KRT33A: variants seen among roughly 807,000 people sequenced by gnomAD.
KRT33A encodes keratin, type I cuticular Ha3-I.
Under a neutral mutation model 41.1 loss-of-function variants are expected in KRT33A, and 44 were observed. The ratio of observed to expected loss-of-function variants is 1.07; its 90% CI spans 0.84 to 1.38. The LOEUF is 1.38. KRT33A is among the 40% of genes most tolerant of loss of function. The pLI is 0.00. For synonymous variants in KRT33A, 229 were observed against 227.8 expected, an observed-to-expected ratio of 1.01 and a Z score of -0.05; for missense variants, 536 against 518.5, an observed-to-expected ratio of 1.03 and a Z score of -0.33.
intron 3 of KRT33A, among the ~76,000 whole-genome samples, chr17:41,348,270 G>A (rs529375400): frequency 6.6e-6 from 1 of 152,244 alleles, no homozygotes; most frequent in East Asian, 1.9e-4. Flanking sequence ...TACTGGGCTT[G>A]CCAACTTCCT....
Position 41,346,545 on chromosome 17 carries a change from G to T in KRT33A, c.1000C>A (p.Arg334=). The T allele has an allele frequency of 6.2e-7, 1 of 1,614,178 alleles. No homozygotes were observed. Among genetic ancestry groups the T allele is most frequent in the Non-Finnish European group, 8.5e-7 (1 of 1,180,032 alleles). The change falls in exon 6 of 7, where the codon CGG becomes AGG. Residue 334 remains arginine, a synonymous_variant. Coordinates refer to ENST00000007735, the MANE Select transcript of KRT33A (RefSeq NM_004138.4). ...QLAEIRSDLE[R]QNQEYQVLLD... The stretch of plus-strand genomic sequence containing the variant: ...AGCACCTGATACTCCTGGTTCTGCC[G>T]CTCCAGGTCACTGCGGATCTCCGCC...
rs2017408572 is a variant in KRT33A at position 41,346,103 on chromosome 17, C to T, written c.*16G>A. The stretch of plus-strand genomic sequence containing the variant: ...GTGTGACTGATGCCTTTCTTCTCCT[C>T]CTGGTTGTGGGGCCTCTAGTACCCA... On this transcript the variant is annotated 3_prime_UTR_variant, in exon 7 of 7. Coordinates refer to ENST00000007735, the MANE Select transcript of KRT33A (RefSeq NM_004138.4). 2 of 1,557,734 alleles carry T rather than the reference C, an allele frequency of 1.3e-6. No homozygotes were observed. Among genetic ancestry groups the T allele is most frequent in the African/African-American group, 1.4e-5 (1 of 73,522 alleles).
intron 2 of KRT33A, among the ~76,000 whole-genome samples, chr17:41,349,006 G>A (rs539009519): frequency 6.6e-6 from 1 of 152,170 alleles, no homozygotes; most frequent in East Asian, 1.9e-4. Context: ...TAGGATAAAA[G>A]CTGACAAACT....
chr17:41,349,484 G>A, intron 1 of KRT33A, 56 bp from the exon 2 acceptor site: 2 of 1,570,056 alleles, frequency 1.3e-6, no homozygotes, highest in South Asian at 2.2e-5. Context: ...TTTCACCAAT[G>A]GCAGTCCTTC....
At position 41,348,556 on chromosome 17, in the gene KRT33A, C is replaced by T; in HGVS notation, c.515G>A (p.Cys172Tyr). The change falls in exon 3 of 7, where the codon TGC becomes TAC. Residue 172 changes from cysteine to tyrosine, a missense_variant. Physicochemically the swap from Cys to Tyr is radical, Grantham distance 194 (BLOSUM62 -2). Coordinates refer to ENST00000007735, the MANE Select transcript of KRT33A (RefSeq NM_004138.4). Reference sequence around the variant, plus strand: ...CACCTGGGCCTCCAGGTCAGACCTGCACAGGGTCAGCTCATCCAGGATCCT... The same window carrying T: ...CACCTGGGCCTCCAGGTCAGACCTGTACAGGGTCAGCTCATCCAGGATCCT... ...LRRILDELTL[C>Y]RSDLEAQVES... 1 of 1,614,014 alleles carries T rather than the reference C, an allele frequency of 6.2e-7. No individual in the cohort carries two copies. The highest frequency in any genetic ancestry group is 8.5e-7 in the Non-Finnish European group (1 of 1,180,000).
Position 41,350,827 on chromosome 17 carries a change from G to C in KRT33A, c.-60C>G. The C allele has an allele frequency of 3.2e-6, 5 of 1,538,712 alleles. No individual in the cohort carries two copies. In the South Asian group the frequency reaches 6.0e-5, roughly 18 times the overall value. On this transcript the variant is annotated 5_prime_UTR_variant, in exon 1 of 7. Coordinates refer to ENST00000007735, the MANE Select transcript of KRT33A (RefSeq NM_004138.4). ...TCCAAAATCTCCAGGTTGTAGAGCG[G>C]TGGGTCTCCTTCCTCCAGGGAGCAT...
chr17:41,348,037 G>T (rs1270878444), intron 3 of KRT33A, among the ~76,000 whole-genome samples: 3 of 152,184 alleles, frequency 2.0e-5, no homozygotes, highest in Non-Finnish European at 4.4e-5. Context: ...TTTGCTCAAG[G>T]CTGTTTCCAA....
intron 3 of KRT33A, among the ~76,000 whole-genome samples, chr17:41,347,913 A>G (rs2017448484): frequency 6.6e-6 from 1 of 152,242 alleles, no homozygotes; most frequent in Non-Finnish European, 1.5e-5. Flanking sequence ...TTTGGCACAT[A>G]CTAAGCACTT....
Position 41,348,623 on chromosome 17 carries a change from A to C in KRT33A, c.448T>G (p.Ser150Ala), listed in dbSNP as rs772948044. 27 of 1,613,974 alleles carry C rather than the reference A, an allele frequency of 1.7e-5. No homozygotes were observed. Among genetic ancestry groups the C allele is most frequent in the Non-Finnish European group, 2.1e-5 (25 of 1,180,024 alleles). ...TCCGACTCCACCAGCTGCCGCAGGGACAGCTCGGTCTCATATCTGTGATCA... is the reference window on the plus strand; with the variant it reads ...TCCGACTCCACCAGCTGCCGCAGGGCCAGCTCGGTCTCATATCTGTGATCA... ...DFRTKYETEL[S>A]LRQLVESDIN... is the part of the protein sequence containing the mutation. The change falls in exon 3 of 7, where the codon TCC becomes GCC. Residue 150 changes from serine (S) to alanine (A), a missense_variant. Physicochemically the swap from Ser to Ala is moderately conservative, Grantham distance 99. Coordinates refer to ENST00000007735, the MANE Select transcript of KRT33A (RefSeq NM_004138.4).
At chr17:41,347,668 G>A (rs753605863) in intron 3 of KRT33A, among the ~76,000 whole-genome samples, 21 of 152,272 alleles carry the variant, frequency 1.4e-4, no homozygotes, top group Non-Finnish European at 2.4e-4. Context: ...GCATAGAAGA[G>A]ACTTAAAGGG....
intron 6 of KRT33A, 46 bp downstream of exon 6, chr17:41,346,402 G>T (rs1304608185): frequency 1.2e-6 from 2 of 1,609,446 alleles, no homozygotes; most frequent in Non-Finnish European, 8.5e-7. Context: ...CATCTCCACA[G>T]CAACCTAACA....
intron 1 of KRT33A, 136 bp downstream of exon 1, chr17:41,350,284 G>A: frequency 1.0e-6 from 1 of 955,798 alleles, no homozygotes; most frequent in Non-Finnish European, 1.6e-6. Flanking sequence ...GTATTAGATG[G>A]GCCCTCAAAA....
intron 6 of KRT33A, 85 bp downstream of exon 6, chr17:41,346,363 A>T: frequency 6.3e-7 from 1 of 1,593,436 alleles, no homozygotes; most frequent in Non-Finnish European, 8.6e-7. Context: ...GCTTGAAATT[A>T]TAAATTCATT....
rs766095708 is a variant in KRT33A at position 41,346,835 on chromosome 17, A to G, written c.876+9T>C. 10 of 1,612,546 alleles carry G rather than the reference A, an allele frequency of 6.2e-6. No homozygotes were observed. The South Asian group carries it at 9.9e-5, about 16-fold the overall frequency. On this transcript the variant is annotated intron_variant, in intron 5 of 6. Coordinates refer to ENST00000007735, the MANE Select transcript of KRT33A (RefSeq NM_004138.4). ...CCATCGCTCACCAGCAGGTCTGAAC[A>G]ATACACACCAGGTTGTGCTGGGCCT...
rs1395639716 is a variant in KRT33A at position 41,346,941 on chromosome 17, G to A, written c.779C>T (p.Ser260Phe). The change falls in exon 5 of 7, where the codon TCC becomes TTC. Residue 260 changes from serine (S) to phenylalanine (F), a missense_variant. Coordinates refer to ENST00000007735, the MANE Select transcript of KRT33A (RefSeq NM_004138.4). ...QTEELNKQVV[S>F]SSEQLQSYQA... is the part of the protein sequence containing the mutation. ...GTAGGACTGCAGCTGCTCCGAGCTG[G>A]ATACCACCTGCTTGTTCAGCTCCTC... 3 of 1,613,394 alleles carry A rather than the reference G, an allele frequency of 1.9e-6. No individual in the cohort carries two copies. The African/African-American group carries it at 4.0e-5, about 22-fold the overall frequency.
At position 41,349,384 on chromosome 17, in the gene KRT33A, G is replaced by A. The variant is rs376629075; in HGVS notation, c.393C>T (p.Ile131=). 3.2e-5 allele frequency: 52 copies of A among 1,614,030 alleles called. No homozygotes were observed. The Middle Eastern group carries it at 6.6e-4, about 20-fold the overall frequency. ...KSENARLVVQ[I]DNAKLASDDF... ...CATCTGAGGCCAGCTTGGCATTGTC[G>A]ATCTGCACCACAAGCCTGGCATTCT... The change falls in exon 2 of 7, where the codon ATC becomes ATT. Residue 131 remains isoleucine, a synonymous_variant. Coordinates refer to ENST00000007735, the MANE Select transcript of KRT33A (RefSeq NM_004138.4).
In KRT33A at chr17:41,348,969, T is replaced by TA. The variant is rs377394116; in HGVS notation, c.432-331dup. Among the ~76,000 whole-genome samples, 4 of 151,684 alleles carry TA rather than the reference T, an allele frequency of 2.6e-5. No homozygotes were observed. The South Asian group carries it at 8.3e-4, about 32-fold the overall frequency. On this transcript the variant is annotated intron_variant, in intron 2 of 6. Transcript: ENST00000007735. The stretch of plus-strand genomic sequence containing the variant: ...GGGTGACAGAGCAAGGCCCTGTCTC[T>TA]AAAAAAAAGAAGAAAGCCAGTGGAT...
At chr17:41,350,296 A>C in intron 1 of KRT33A, 124 bp downstream of exon 1, 1 of 1,206,350 alleles carries the variant, frequency 8.3e-7, no homozygotes, top group Non-Finnish European at 1.1e-6. Flanking sequence ...CCCTCAAAAA[A>C]CAAAATGGAA....
At position 41,348,571 on chromosome 17, in the gene KRT33A, T is replaced by C. The variant is rs758555986; in HGVS notation, c.500A>G (p.Asp167Gly). 1 of 1,613,992 alleles carries C rather than the reference T, an allele frequency of 6.2e-7. No homozygotes were observed. The highest frequency in any genetic ancestry group is 8.5e-7 in the Non-Finnish European group (1 of 1,179,970). Residue 167 changes from aspartate (D) to glycine (G), a missense_variant, in exon 3 of 7, where the codon GAT becomes GGT. Coordinates refer to ENST00000007735, the MANE Select transcript of KRT33A (RefSeq NM_004138.4). Reference sequence around the variant, plus strand: ...GTCAGACCTGCACAGGGTCAGCTCATCCAGGATCCTGCGCAGGCCATTGAT... The same window carrying C: ...GTCAGACCTGCACAGGGTCAGCTCACCCAGGATCCTGCGCAGGCCATTGAT... ...SDINGLRRILDELTLCRSDLE... is the reference protein window; with the variant it reads ...SDINGLRRILGELTLCRSDLE...
Sources: allele counts gnomAD v4.1 joint callset (sites outside exome capture counted in the v4.1 genomes callset), GRCh38; gene constraint gnomAD v4.1.1; transcripts MANE v1.5; gene names NCBI Gene and HGNC (gene_info 2026-07-23, HGNC 2026-07-21).